The following THSD4 variants were observed in gnomAD, a reference collection of about 807,000 sequenced individuals.
THSD4 encodes thrombospondin type-1 domain-containing protein 4.
A neutral mutation model predicts 119.0 loss-of-function variants in THSD4; 69 were observed. That is an observed-to-expected ratio of 0.58 (90% confidence interval 0.48 to 0.71). THSD4 has a LOEUF of 0.71. THSD4 is among the 30% of genes least tolerant of loss of function. The pLI is 0.00. For missense variants in THSD4, 1,393 were observed against 1,391.1 expected, an observed-to-expected ratio of 1.00 and a Z score of -0.02; for synonymous variants, 524 against 540.4, an observed-to-expected ratio of 0.97 and a Z score of 0.42.
At chr15:71,388,983 G>A (rs1045802651) in intron 6 of THSD4, among the ~76,000 whole-genome samples, 1 of 151,936 alleles carries the variant, frequency 6.6e-6, no homozygotes, top group Admixed American at 6.6e-5. Flanking sequence ...TTTTATAAGG[G>A]GAAACCCCTT....
chr15:71,638,959 C>G (rs2050803184), intron 7 of THSD4, among the ~76,000 whole-genome samples: 1 of 152,176 alleles, frequency 6.6e-6, no homozygotes, highest in Non-Finnish European at 1.5e-5. Flanking sequence ...TAGCTCCCTT[C>G]AAAGTCAGCC....
chr15:71,111,070 C>T (rs1433476074), upstream of THSD4: 5 of 1,454,810 alleles, frequency 3.4e-6, no homozygotes, highest in South Asian at 1.4e-5. Flanking sequence ...TGAGTATTAT[C>T]ATTTGCAAAG....
intron 1 of THSD4, among the ~76,000 whole-genome samples, chr15:71,109,176 C>T (rs919488597): frequency 6.6e-6 from 1 of 152,180 alleles, no homozygotes; most frequent in African/African-American, 2.4e-5. Flanking sequence ...GGAGCCATTT[C>T]AGGGTCACCC....
chr15:71,283,072 C>T (rs992916192), intron 6 of THSD4, among the ~76,000 whole-genome samples: 2 of 150,336 alleles, frequency 1.3e-5, no homozygotes, highest in African/African-American at 2.5e-5. Flanking sequence ...CGGGTTCAAA[C>T]GATTCTTCTG....
chr15:71,590,112 G>C (rs956132246), intron 7 of THSD4, among the ~76,000 whole-genome samples: 1 of 139,158 alleles, frequency 7.2e-6, no homozygotes, highest in Admixed American at 7.2e-5. Context: ...GGAGAGAGGG[G>C]AATGGAGTTG....
chr15:71,237,585 G>C (rs756784672), intron 4 of THSD4, among the ~76,000 whole-genome samples: 3 of 152,188 alleles, frequency 2.0e-5, no homozygotes, highest in African/African-American at 4.8e-5. Flanking sequence ...GCAGAGGCCT[G>C]TGCTAGACCC....
intron 7 of THSD4, among the ~76,000 whole-genome samples, chr15:71,490,037 A>G (rs926342472): frequency 6.6e-6 from 1 of 152,130 alleles, no homozygotes; most frequent in Non-Finnish European, 1.5e-5. Flanking sequence ...TTTTTTTTCC[A>G]CATGAGCATT....
intron 7 of THSD4, among the ~76,000 whole-genome samples, chr15:71,484,169 G>A (rs2047778710): frequency 1.3e-5 from 2 of 152,152 alleles, no homozygotes; most frequent in South Asian, 4.1e-4. Flanking sequence ...GAAACTTTTG[G>A]AATATTTTTC....
At chr15:71,283,849 G>A (rs932950676) in intron 6 of THSD4, among the ~76,000 whole-genome samples, 1 of 152,178 alleles carries the variant, frequency 6.6e-6, no homozygotes, top group Non-Finnish European at 1.5e-5. Flanking sequence ...GGGGCAAGGG[G>A]AAGATCTGCT....
chr15:71,473,807 G>A (rs1176386255), intron 7 of THSD4, among the ~76,000 whole-genome samples: 1 of 152,194 alleles, frequency 6.6e-6, no homozygotes, highest in African/African-American at 2.4e-5. Flanking sequence ...AGATGTGCAG[G>A]CCACCATCAG....
intron 3 of THSD4, among the ~76,000 whole-genome samples, chr15:71,156,290 T>C (rs1294758026): frequency 1.3e-5 from 2 of 150,984 alleles, no homozygotes; most frequent in Non-Finnish European, 2.9e-5. Context: ...GGAGTTTCGC[T>C]CTTGTCACCC....
intron 5 of THSD4, among the ~76,000 whole-genome samples, chr15:71,255,843 A>C (rs1385908057): frequency 6.6e-6 from 1 of 152,194 alleles, no homozygotes; most frequent in African/African-American, 2.4e-5. Context: ...GAACATGTTT[A>C]AAGTAGTGCC....
intron 6 of THSD4, among the ~76,000 whole-genome samples, chr15:71,299,960 CAAAAAAAAA>C (rs141320911): frequency 5.5e-5 from 6 of 109,042 alleles, no homozygotes; most frequent in African/African-American, 1.6e-4. Context: ...CTGTCTCTAC[CAAAAAAAAA>C]AAAAAAAATA....
intron 8 of THSD4, among the ~76,000 whole-genome samples, chr15:71,661,385 CATT>C (rs1050071625): frequency 1.3e-5 from 2 of 151,072 alleles, no homozygotes; most frequent in African/African-American, 4.9e-5. Context: ...CAATCGAACA[CATT>C]ATTTATTTAT....
rs577598498 is a variant in THSD4, at chr15:71,474,324, A to T, written c.1152+62501A>T. ...AACCTCTGCCGCCTGGGTTCAAGCG[A>T]TTCCCCTGCCTCAGCCTCCCTAGTA... On this transcript the variant is annotated intron_variant, in intron 7 of 17. Coordinates refer to ENST00000261862, the MANE Select transcript of THSD4 (RefSeq NM_024817.3). Among the ~76,000 whole-genome samples, 3 of 151,842 alleles carry T rather than the reference A, an allele frequency of 2.0e-5. No homozygotes were observed. In the South Asian group the frequency reaches 6.3e-4, roughly 32 times the overall value.
intron 6 of THSD4, among the ~76,000 whole-genome samples, chr15:71,349,778 G>GT (rs1241757944): frequency 1.3e-5 from 2 of 152,168 alleles, no homozygotes; most frequent in Non-Finnish European, 2.9e-5. Flanking sequence ...TTAGGTTTGA[G>GT]TTTGGGATGG....
At chr15:71,305,927 C>T (rs995308624) in intron 6 of THSD4, among the ~76,000 whole-genome samples, 4 of 152,156 alleles carry the variant, frequency 2.6e-5, no homozygotes, top group Non-Finnish European at 5.9e-5. Flanking sequence ...TCACCACCAC[C>T]ATCCTATGCA....
At chr15:71,331,399 T>C (rs1008870367) in intron 6 of THSD4, among the ~76,000 whole-genome samples, 4 of 152,204 alleles carry the variant, frequency 2.6e-5, no homozygotes, top group Admixed American at 6.5e-5. Context: ...AAGTTCTCAT[T>C]TGGGGAGACT....
chr15:71,733,153 C>T (rs1041874361), intron 10 of THSD4: 10 of 152,226 alleles, frequency 6.6e-5, no homozygotes, highest in African/African-American at 2.2e-4. Flanking sequence ...TGGGGCTCAG[C>T]TCATGAATAG....
Sources: gnomAD v4.1 joint callset for allele counts (sites outside exome capture counted in the v4.1 genomes callset) on GRCh38, gnomAD v4.1.1 for gene constraint, MANE v1.5 for transcripts, NCBI Gene and HGNC (gene_info 2026-07-23, HGNC 2026-07-21) for gene names.